Variants in COL23A1 observed in about 807,000 individuals in gnomAD.
COL23A1 encodes collagen alpha-1(XXIII) chain.
In COL23A1, 97 loss-of-function variants were observed where a neutral mutation model predicts 99.3. The observed-to-expected ratio is 0.98, with a 90% CI of 0.83 to 1.16. The LOEUF is 1.16. Ranked by LOEUF, COL23A1 falls within the 50% of genes most tolerant of loss-of-function variation. The pLI is 0.00. For missense variants in COL23A1, 762 were observed against 757.4 expected (o/e 1.01, Z -0.07); for synonymous variants, 320 against 308.2 (o/e 1.04, Z -0.40).
chr5:178,256,208 C>T (rs201756743), intron 15 of COL23A1, 145 bp downstream of exon 15: 31 of 527,128 alleles, frequency 5.9e-5, no homozygotes, highest in East Asian at 5.2e-4. Context: ...TCAAAAATCA[C>T]GAATAAATGA....
chr5:178,553,962 A>G (rs1432562586), intron 2 of COL23A1, among the ~76,000 whole-genome samples: 1 of 152,136 alleles, frequency 6.6e-6, no homozygotes, highest in East Asian at 1.9e-4. Flanking sequence ...CTGTCTGCAC[A>G]TGTGAACCCA....
Position 178,545,238 on chromosome 5 carries a change from C to T in COL23A1, c.361+15444G>A, listed in dbSNP as rs529413763. On this transcript the variant is annotated intron_variant, in intron 2 of 28. Transcript: ENST00000390654. ...GCATCCTCTGTTCCCTGGGCTATGC[C>T]CTCCTCTTGAGCCCCCACGCCCCTC... 7.9e-5 allele frequency among the ~76,000 whole-genome samples: 12 copies of T among 152,278 alleles called. 1 individual carries two copies. In the South Asian group the frequency reaches 2.5e-3, roughly 32 times the overall value.
chr5:178,473,461 ATTTTTTT>A (rs58255875), intron 2 of COL23A1, among the ~76,000 whole-genome samples: 2 of 95,090 alleles, frequency 2.1e-5, no homozygotes, highest in African/African-American at 4.0e-5. Context: ...CATCCGGCTA[ATTTTTTT>A]TTTTTTTTTT....
At chr5:178,242,219 TC>T in intron 26 of COL23A1, 91 bp from the exon 27 acceptor site, 1 of 1,443,094 alleles carries the variant, frequency 6.9e-7, no homozygotes. Context: ...GGGGCCAGCC[TC>T]CCCCTGCCTC....
chr5:178,414,347 C>T (rs1310105494), intron 2 of COL23A1, among the ~76,000 whole-genome samples: 2 of 152,188 alleles, frequency 1.3e-5, no homozygotes, highest in Admixed American at 1.3e-4. Context: ...GTCACCACCA[C>T]CACCTGGCAG....
chr5:178,244,519 C>G (rs1359005143), intron 25 of COL23A1, among the ~76,000 whole-genome samples: 1 of 152,186 alleles, frequency 6.6e-6, no homozygotes, highest in Non-Finnish European at 1.5e-5. Flanking sequence ...CATGAAACTT[C>G]CTGTAGAACA....
At chr5:178,325,886 C>T (rs529141701) in intron 2 of COL23A1, among the ~76,000 whole-genome samples, 16 of 152,172 alleles carry the variant, frequency 1.1e-4, no homozygotes, top group Non-Finnish European at 1.8e-4. Context: ...AACTGTCGTG[C>T]CTGCGCTTGT....
intron 3 of COL23A1, among the ~76,000 whole-genome samples, chr5:178,296,757 C>T (rs970090248): frequency 6.6e-6 from 1 of 152,050 alleles, no homozygotes; most frequent in South Asian, 2.1e-4. Flanking sequence ...GGCAGCGTTC[C>T]GGAGACTGAT....
chr5:178,398,725 T>C (rs1764281228), intron 2 of COL23A1, among the ~76,000 whole-genome samples: 1 of 152,228 alleles, frequency 6.6e-6, no homozygotes, highest in Non-Finnish European at 1.5e-5. Flanking sequence ...CAAGATTTAG[T>C]CCCAAGGAAA....
At chr5:178,445,890 C>A (rs1767132981) in intron 2 of COL23A1, among the ~76,000 whole-genome samples, 1 of 152,002 alleles carries the variant, frequency 6.6e-6, no homozygotes, top group Non-Finnish European at 1.5e-5. Context: ...ATATTCAAGA[C>A]AAAAGATTAA....
intron 2 of COL23A1, among the ~76,000 whole-genome samples, chr5:178,339,692 C>A (rs555060073): frequency 6.6e-6 from 1 of 152,190 alleles, no homozygotes; most frequent in Non-Finnish European, 1.5e-5. Flanking sequence ...AATCTGCCAG[C>A]GCCTCAGTGG....
chr5:178,465,529 G>T (rs907944695), intron 2 of COL23A1, among the ~76,000 whole-genome samples: 9 of 152,186 alleles, frequency 5.9e-5, no homozygotes, highest in African/African-American at 2.2e-4. Context: ...GCAGCCTCGA[G>T]GAGGCCCTCC....
At chr5:178,403,130 AT>A (rs374168895) in intron 2 of COL23A1, among the ~76,000 whole-genome samples, 25,776 of 116,514 alleles carry the variant, frequency 0.22, 6,840 homozygotes, top group South Asian at 0.34. Context: ...AAATAAATAA[AT>A]AAAAAATAAA....
In COL23A1 at chr5:178,428,905, C is replaced by T. The variant is rs1158937692; in HGVS notation, c.362-121986G>A. 6.6e-6 allele frequency among the ~76,000 whole-genome samples: 1 copy of T among 152,052 alleles called. No individual in the cohort carries two copies. The highest frequency in any genetic ancestry group is 1.5e-5 in the Non-Finnish European group (1 of 68,006). On this transcript the variant is annotated intron_variant, in intron 2 of 28. Transcript: ENST00000390654. The surrounding 1 kb of genome is among the most constrained non-coding windows in gnomAD (Gnocchi z 5.0). ...GCTGCCTTTGCCTCCCTATTGTTTC[C>T]AAGCCAGCTCCCTACCCGCACACAG...
intron 3 of COL23A1, among the ~76,000 whole-genome samples, chr5:178,304,908 G>A (rs1360322133): frequency 6.6e-6 from 1 of 152,146 alleles, no homozygotes; most frequent in Non-Finnish European, 1.5e-5. Context: ...CCCAGCACGG[G>A]GCCACGGACC....
intron 2 of COL23A1, among the ~76,000 whole-genome samples, chr5:178,383,282 G>C (rs72822855): frequency 6.6e-6 from 1 of 152,058 alleles, no homozygotes; most frequent in Non-Finnish European, 1.5e-5. Context: ...CTCCTGTTGG[G>C]ACCAGCTTCC....
chr5:178,388,941 C>A (rs1428169007), intron 2 of COL23A1, among the ~76,000 whole-genome samples: 2 of 152,234 alleles, frequency 1.3e-5, no homozygotes, highest in Admixed American at 6.5e-5. Context: ...ATTTCCCAAA[C>A]TTCTGTGACT....
At position 178,254,414 on chromosome 5, in the gene COL23A1, G is replaced by C. The variant is rs184664809; in HGVS notation, c.960+535C>G. Among the ~76,000 whole-genome samples, 211 of 152,332 alleles carry C rather than the reference G, an allele frequency of 1.4e-3. 1 individual carries two copies. The highest frequency in any genetic ancestry group is 4.9e-3 in the African/African-American group (204 of 41,580). ...GGGGCCAGGGCCCCCTTCCCAGTCT[G>C]GTCTCTGGTGACCACTCCTTCCTCA... On this transcript the variant is annotated intron_variant, in intron 16 of 28. Transcript: ENST00000390654.
chr5:178,500,186 T>G (rs1758443320), intron 2 of COL23A1, among the ~76,000 whole-genome samples: 1 of 152,166 alleles, frequency 6.6e-6, no homozygotes, highest in African/African-American at 2.4e-5. Flanking sequence ...TTATTTTCTT[T>G]ACTGTAGTGA....
Sources: allele counts gnomAD v4.1 joint callset (sites outside exome capture counted in the v4.1 genomes callset), GRCh38; gene constraint gnomAD v4.1.1; non-coding constraint Gnocchi (gnomAD v3.1); transcripts MANE v1.5; gene names NCBI Gene and HGNC (gene_info 2026-07-23, HGNC 2026-07-21).